Variants in DCTN6 observed in about 807,000 individuals in gnomAD.
The protein encoded by DCTN6 is dynactin subunit 6.
DCTN6 carries 15 observed loss-of-function variants against 25.8 expected under a neutral mutation model. That is an observed-to-expected ratio of 0.58 (90% CI 0.39 to 0.89). The LOEUF is 0.89. Among genes scored for constraint, DCTN6 ranks in the 40% least tolerant of loss-of-function variants. DCTN6 has a pLI of 0.00. For missense variants in DCTN6, 198 were observed against 237.6 expected (o/e 0.83, Z 1.09); for synonymous variants, 64 against 78.3 (o/e 0.82, Z 0.96).
chr8:30,164,902 C>G (rs1803645247), intron 2 of DCTN6, among the ~76,000 whole-genome samples: 1 of 152,174 alleles, frequency 6.6e-6, no homozygotes, highest in Non-Finnish European at 1.5e-5. Flanking sequence ...CCTGAAAGTT[C>G]CACACGACCC....
intron 4 of DCTN6, 157 bp downstream of exon 4, chr8:30,177,371 T>TA (rs1429776585): frequency 3.5e-6 from 2 of 576,984 alleles, no homozygotes; most frequent in Admixed American, 6.7e-5. Context: ...CTATCAAACA[T>TA]ACTTACATTC....
intron 2 of DCTN6, 86 bp downstream of exon 2, chr8:30,164,261 G>C: frequency 9.6e-7 from 1 of 1,039,594 alleles, no homozygotes. Context: ...CGTCTTCCAT[G>C]TTTATTTCAC....
At chr8:30,174,990 C>T in intron 2 of DCTN6, 95 bp from the exon 3 acceptor site, 1 of 1,111,062 alleles carries the variant, frequency 9.0e-7, no homozygotes, top group Non-Finnish European at 1.3e-6. Context: ...AGAAAATGTT[C>T]CTCCCAACAG....
intron 1 of DCTN6, 121 bp from the exon 2 acceptor site, chr8:30,163,990 C>G (rs559381228): frequency 1.6e-5 from 14 of 857,306 alleles, no homozygotes; most frequent in Non-Finnish European, 2.5e-5. Context: ...GCGTGAGCCA[C>G]TGCGCCTGGC....
intron 1 of DCTN6, among the ~76,000 whole-genome samples, chr8:30,162,780 C>T (rs145146079): frequency 1.6e-4 from 24 of 152,228 alleles, no homozygotes; most frequent in African/African-American, 5.8e-4. Context: ...AAAAGTTTCT[C>T]ATATATGTGT....
In DCTN6 at chr8:30,159,688, G is replaced by A. The variant is rs574546527; in HGVS notation, c.23+3282G>A. Among the ~76,000 whole-genome samples the A allele has an allele frequency of 2.3e-4, 35 of 151,830 alleles. 1 individual carries two copies. The South Asian group carries it at 6.9e-3, about 30-fold the overall frequency. On this transcript the variant is annotated intron_variant, in intron 1 of 6. Transcript: ENST00000221114. ...TCCTCCCATAGGCTATTCTCAGATG[G>A]TGCCATTAGTTTTCCAGATCAGAAA...
rs779585983 is a variant in DCTN6 at position 30,175,163 on chromosome 8, TAGA to T, written c.172_174del (p.Glu58del). 1.9e-6 allele frequency: 3 copies of T among 1,613,972 alleles called. No homozygotes were observed. The African/African-American group carries it at 4.0e-5, about 22-fold the overall frequency. Reference sequence around the variant, plus strand: ...ATAGTGATTGGCGAAGGGAACCTAATAGAAGAACAGGCCCTTATCATAAATGCG... The same window carrying T: ...ATAGTGATTGGCGAAGGGAACCTAATAGAACAGGCCCTTATCATAAATGCG... On this transcript the variant is annotated inframe_deletion, in exon 3 of 7. Coordinates refer to ENST00000221114, the MANE Select transcript of DCTN6 (RefSeq NM_006571.4).
intron 6 of DCTN6, among the ~76,000 whole-genome samples, chr8:30,182,447 T>C (rs139947604): frequency 0.018 from 2,705 of 152,274 alleles, 39 homozygotes; most frequent in Admixed American, 0.035. Context: ...GTTTTACTTA[T>C]GTGGTCTTCT....
At chr8:30,156,766 G>C (rs368118198) in intron 1 of DCTN6, among the ~76,000 whole-genome samples, 2 of 152,312 alleles carry the variant, frequency 1.3e-5, no homozygotes, top group East Asian at 3.9e-4. Context: ...AATCGGCGGT[G>C]CTTGGCGCCG....
chr8:30,176,040 C>G (rs1803827799), intron 3 of DCTN6, among the ~76,000 whole-genome samples: 1 of 152,150 alleles, frequency 6.6e-6, no homozygotes, highest in Non-Finnish European at 1.5e-5. Flanking sequence ...TTTTATCTTC[C>G]AAATATTTCA....
chr8:30,161,631 C>A (rs1249585334), intron 1 of DCTN6, among the ~76,000 whole-genome samples: 1 of 152,104 alleles, frequency 6.6e-6, no homozygotes, highest in Non-Finnish European at 1.5e-5. Context: ...TCTTCTCATT[C>A]AGTGATGTCC....
intron 2 of DCTN6, among the ~76,000 whole-genome samples, chr8:30,169,483 T>C (rs1277538161): frequency 2.6e-5 from 4 of 152,112 alleles, no homozygotes; most frequent in African/African-American, 9.7e-5. Context: ...AGTAAGGCAG[T>C]TCCAACTCTA....
At chr8:30,159,512 C>T (rs1179794083) in intron 1 of DCTN6, among the ~76,000 whole-genome samples, 1 of 152,150 alleles carries the variant, frequency 6.6e-6, no homozygotes, top group Non-Finnish European at 1.5e-5. Flanking sequence ...CCTTCTGACT[C>T]TCAGAGCTGT....
At chr8:30,167,897 C>CTCTCT (rs1298446459) in intron 2 of DCTN6, among the ~76,000 whole-genome samples, 1 of 151,978 alleles carries the variant, frequency 6.6e-6, no homozygotes, top group Non-Finnish European at 1.5e-5. Flanking sequence ...GACAGGGTTT[C>CTCTCT]ACCATGTTGG....
intron 3 of DCTN6, among the ~76,000 whole-genome samples, chr8:30,175,527 GTT>G (rs1041147996): frequency 0.011 from 1,529 of 139,234 alleles, 29 homozygotes; most frequent in East Asian, 0.061. Context: ...ACCCTGCAGA[GTT>G]TTTTTTTTTT....
chr8:30,156,669 G>T (rs1803529549), intron 1 of DCTN6, among the ~76,000 whole-genome samples: 1 of 151,274 alleles, frequency 6.6e-6, no homozygotes, highest in Non-Finnish European at 1.5e-5. Flanking sequence ...CGCAGAGGGG[G>T]TCTCCCGGCC....
At chr8:30,173,406 A>G (rs1803788813) in intron 2 of DCTN6, among the ~76,000 whole-genome samples, 1 of 152,222 alleles carries the variant, frequency 6.6e-6, no homozygotes, top group African/African-American at 2.4e-5. Flanking sequence ...ATAGTGAGGC[A>G]TCTCAGCTGT....
intron 5 of DCTN6, 92 bp from the exon 6 acceptor site, chr8:30,180,396 T>G: frequency 1.3e-6 from 2 of 1,505,110 alleles, no homozygotes; most frequent in Non-Finnish European, 1.8e-6. Flanking sequence ...TTGAGGCCAG[T>G]TTACATTTTT....
intron 2 of DCTN6, among the ~76,000 whole-genome samples, chr8:30,166,816 C>T (rs898576242): frequency 2.0e-5 from 3 of 152,106 alleles, no homozygotes; most frequent in Non-Finnish European, 2.9e-5. Flanking sequence ...GAAGTACAGG[C>T]TGGATGCCGT....
Sources: allele counts gnomAD v4.1 joint callset (sites outside exome capture counted in the v4.1 genomes callset), GRCh38; gene constraint gnomAD v4.1.1; transcripts MANE v1.5; gene names NCBI Gene and HGNC (gene_info 2026-07-23, HGNC 2026-07-21).